The following FAR2 variants were observed in gnomAD, a reference collection of about 807,000 sequenced individuals.
FAR2 encodes the protein fatty acyl-CoA reductase 2.
In FAR2, 19 loss-of-function variants were observed where a neutral mutation model predicts 56.0. That is an observed-to-expected ratio of 0.34 (90% CI 0.24 to 0.50). The LOEUF is 0.50. FAR2 is among the 20% of genes least tolerant of loss of function. The pLI is 0.98. For missense variants in FAR2, 508 were observed against 642.2 expected (o/e 0.79, Z 2.26); for synonymous variants, 219 against 218.8 (o/e 1.00, Z -0.01).
chr12:29,213,253 T>C (rs1229773980), intron 1 of FAR2, among the ~76,000 whole-genome samples: 1 of 151,904 alleles, frequency 6.6e-6, no homozygotes. Context: ...ACTCTAATAA[T>C]AGCCCTTACT....
intron 4 of FAR2, 87 bp downstream of exon 4, chr12:29,297,287 T>C: frequency 7.6e-7 from 1 of 1,311,450 alleles, no homozygotes; most frequent in Non-Finnish European, 1.1e-6. Context: ...AATGAGATGA[T>C]GAAGTCAAAC....
At position 29,253,206 on chromosome 12, in the gene FAR2, G is replaced by GATATCTATATATCAATATCTATCTA. The variant is rs1565489242; in HGVS notation, c.-38-17206_-38-17205insATATCTATATATCAATATCTATCTA. Among the ~76,000 whole-genome samples the GATATCTATATATCAATATCTATCTA allele has an allele frequency of 5.3e-4, 55 of 103,860 alleles. 11 individuals carry two copies. Among genetic ancestry groups the GATATCTATATATCAATATCTATCTA allele is most frequent in the African/African-American group, 1.9e-3 (50 of 27,014 alleles). 68.1% of individuals were successfully genotyped at this position (103,860 alleles called of 152,430 possible). On this transcript the variant is annotated intron_variant, in intron 1 of 11. Coordinates refer to ENST00000536681, the MANE Select transcript of FAR2 (RefSeq NM_001271783.2). ...CTCTCTCTATCTATCTATCTAGATA[G>GATATCTATATATCAATATCTATCTA]GTATCTATATATCGATATCTATCTA...
At chr12:29,279,881 C>A (rs900381160) in intron 2 of FAR2, among the ~76,000 whole-genome samples, 1 of 151,658 alleles carries the variant, frequency 6.6e-6, no homozygotes, top group African/African-American at 2.4e-5. Flanking sequence ...TTGCAAAGAT[C>A]AAATGTGATC....
chr12:29,251,978 A>G (rs10771503), intron 1 of FAR2, among the ~76,000 whole-genome samples: 151,410 of 152,282 alleles, frequency 0.99, 75,275 homozygotes, highest in East Asian at 1. Flanking sequence ...TGCTAGCTTG[A>G]AGGTCTTAGT....
chr12:29,255,933 A>G (rs943464656), intron 1 of FAR2, among the ~76,000 whole-genome samples: 1 of 151,694 alleles, frequency 6.6e-6, no homozygotes. Context: ...GCGGTGGCAC[A>G]GTCTCAGCTC....
chr12:29,260,968 C>G (rs758347558), intron 1 of FAR2, among the ~76,000 whole-genome samples: 5 of 152,162 alleles, frequency 3.3e-5, no homozygotes, highest in Admixed American at 1.3e-4. Flanking sequence ...GCTGCAGTGA[C>G]AAAAGACATA....
intron 9 of FAR2, among the ~76,000 whole-genome samples, chr12:29,321,492 C>A (rs1591968347): frequency 6.6e-6 from 1 of 152,146 alleles, no homozygotes; most frequent in African/African-American, 2.4e-5. Flanking sequence ...AACAGTATGT[C>A]ATTCAAGCTG....
intron 2 of FAR2, among the ~76,000 whole-genome samples, chr12:29,285,722 C>G: frequency 6.6e-6 from 1 of 152,070 alleles, no homozygotes. Context: ...AGATCGAGAC[C>G]ATTCTGGCCA....
At chr12:29,260,604 T>C (rs2136692125) in intron 1 of FAR2, among the ~76,000 whole-genome samples, 1 of 152,236 alleles carries the variant, frequency 6.6e-6, no homozygotes, top group Non-Finnish European at 1.5e-5. Flanking sequence ...CTCCTTCTGC[T>C]TGAGGACAGG....
chr12:29,309,579 C>G (rs1195646139), intron 6 of FAR2, among the ~76,000 whole-genome samples: 1 of 151,966 alleles, frequency 6.6e-6, no homozygotes. Context: ...ATTGAGGATG[C>G]AGTAAAAATA....
chr12:29,192,081 A>G (rs1488219355), intron 1 of FAR2, among the ~76,000 whole-genome samples: 1 of 152,238 alleles, frequency 6.6e-6, no homozygotes, highest in Non-Finnish European at 1.5e-5. Flanking sequence ...ACTTTCAGAA[A>G]GTAGTAGGAG....
intron 1 of FAR2, among the ~76,000 whole-genome samples, chr12:29,252,546 G>A (rs1246559028): frequency 2.6e-5 from 4 of 152,046 alleles, no homozygotes; most frequent in East Asian, 1.9e-4. Flanking sequence ...TCTTTTGTCC[G>A]CTTATCATGC....
intron 1 of FAR2, among the ~76,000 whole-genome samples, chr12:29,196,147 T>C (rs376020940): frequency 6.6e-6 from 1 of 152,190 alleles, no homozygotes. Context: ...TGAATAGTTT[T>C]GTGATAAACA....
At chr12:29,265,420 T>C (rs116393415) in intron 1 of FAR2, among the ~76,000 whole-genome samples, 2,718 of 152,184 alleles carry the variant, frequency 0.018, 84 homozygotes, top group African/African-American at 0.056. Flanking sequence ...AGAACATACA[T>C]TGGGGAAAGG....
intron 1 of FAR2, among the ~76,000 whole-genome samples, chr12:29,177,885 G>C (rs772624548): frequency 1.2e-4 from 19 of 152,216 alleles, no homozygotes; most frequent in Non-Finnish European, 2.1e-4. Flanking sequence ...CTCAGCCACT[G>C]TATATTCTGT....
intron 5 of FAR2, among the ~76,000 whole-genome samples, chr12:29,308,225 G>T (rs926387602): frequency 6.6e-6 from 1 of 152,168 alleles, no homozygotes; most frequent in Admixed American, 6.5e-5. Flanking sequence ...CTCACAGAAG[G>T]ATCTCAGTTT....
At chr12:29,294,372 A>T (rs1949020904) in intron 3 of FAR2, among the ~76,000 whole-genome samples, 1 of 150,412 alleles carries the variant, frequency 6.6e-6, no homozygotes. Flanking sequence ...TTGTTGAGAC[A>T]GTTTCGTTCT....
At chr12:29,330,338 T>C (rs1949714279) in intron 10 of FAR2, among the ~76,000 whole-genome samples, 1 of 152,186 alleles carries the variant, frequency 6.6e-6, no homozygotes, top group Admixed American at 6.5e-5. Context: ...ATTACAGGCA[T>C]GAGCCACCAC....
chr12:29,289,610 T>C (rs1948930831), intron 2 of FAR2, among the ~76,000 whole-genome samples: 1 of 152,018 alleles, frequency 6.6e-6, no homozygotes, highest in Admixed American at 6.6e-5. Context: ...TTTGGGAAAA[T>C]CTCCAGGACG....
Sources: gnomAD v4.1 joint callset for allele counts (sites outside exome capture counted in the v4.1 genomes callset) on GRCh38, gnomAD v4.1.1 for gene constraint, MANE v1.5 for transcripts, NCBI Gene and HGNC (gene_info 2026-07-23, HGNC 2026-07-21) for gene names.